LAMP2: variants seen among roughly 807,000 people sequenced by gnomAD.
LAMP2 encodes the protein lysosome-associated membrane glycoprotein 2.
Under a neutral mutation model 25.6 loss-of-function variants are expected in LAMP2, and 4 were observed. The observed-to-expected ratio is 0.16, with a 90% confidence interval of 0.08 to 0.36. The LOEUF is 0.36. Ranked by LOEUF, LAMP2 falls within the 10% of genes least tolerant of loss-of-function variation. The pLI is 1.00. For synonymous variants in LAMP2, 108 were observed against 112.7 expected (o/e 0.96, Z 0.27); for missense variants, 272 against 301.4 (o/e 0.90, Z 0.72).
rs2058516664 is a variant in LAMP2 at position 120,430,082 on chromosome X, C to T, written c.*1241G>A. 1 of 752,187 alleles carries T rather than the reference C, an allele frequency of 1.3e-6. No individual in the cohort carries two copies. The highest frequency in any genetic ancestry group is 1.6e-6 in the Non-Finnish European group (1 of 637,273). 62.0% of individuals were successfully genotyped at this position (752,187 alleles called of 1,213,427 possible). A position where few individuals can be genotyped will look rare whatever the true frequency, so the allele number is the denominator to read the frequency against. On this transcript the variant is annotated 3_prime_UTR_variant, in exon 9 of 9. Transcript: ENST00000200639. ...AGACTGACAGCTGGGTAACAAGATACACTGTATTGTTAATCAGGAAGTTAT... is the reference window on the plus strand; with the variant it reads ...AGACTGACAGCTGGGTAACAAGATATACTGTATTGTTAATCAGGAAGTTAT...
intron 8 of LAMP2, among the ~76,000 whole-genome samples, chrX:120,432,661 C>T (rs1186925053): frequency 2.7e-5 from 3 of 111,591 alleles, no homozygotes. Flanking sequence ...CCACACTTGA[C>T]TGATTATGTA....
intron 3 of LAMP2, among the ~76,000 whole-genome samples, chrX:120,450,120 G>A (rs990123896): frequency 8.9e-6 from 1 of 112,139 alleles, no homozygotes. Context: ...TTATAGAACC[G>A]CTTCCTGGAT....
At chrX:120,457,398 C>T (rs1468439777) in intron 1 of LAMP2, among the ~76,000 whole-genome samples, 1 of 112,057 alleles carries the variant, frequency 8.9e-6, no homozygotes, top group African/African-American at 3.2e-5. Context: ...TATCATGTAA[C>T]CAAGGAAGCA....
intron 8 of LAMP2, chrX:120,439,311 T>G: frequency 8.4e-7 from 1 of 1,187,626 alleles, no homozygotes; most frequent in Non-Finnish European, 1.1e-6. Context: ...TGAGAAAAAG[T>G]GTGTAATAAA....
intron 3 of LAMP2, among the ~76,000 whole-genome samples, chrX:120,449,346 G>A (rs2058611752): frequency 8.9e-6 from 1 of 112,652 alleles, no homozygotes; most frequent in Non-Finnish European, 1.9e-5. Context: ...TGGGCACAGT[G>A]GCCCATGCCT....
At chrX:120,440,279 T>G (rs1295246078) in intron 8 of LAMP2, among the ~76,000 whole-genome samples, 1 of 111,827 alleles carries the variant, frequency 8.9e-6, no homozygotes, top group East Asian at 2.8e-4. Context: ...TTGAGCGTGC[T>G]TACTGCATTT....
rs67522937 is a variant in LAMP2 at position 120,438,692 on chromosome X, TCACACACACACACACA to T, written c.1093+3022_1093+3037del. 7.3e-5 allele frequency: 48 copies of T among 659,347 alleles called. No homozygotes were observed. In the Admixed American group the frequency reaches 1.4e-3, roughly 19 times the overall value. 54.3% of individuals were successfully genotyped at this position (659,347 alleles called of 1,213,427 possible). ...AGCTAAGTTAACCTGCAAACAAAAATCACACACACACACACACACACACACACACACACACACACAA... is the reference window on the plus strand; with the variant it reads ...AGCTAAGTTAACCTGCAAACAAAAATCACACACACACACACACACACACAA... On this transcript the variant is annotated intron_variant, in intron 8 of 8. Transcript: ENST00000200639.
chrX:120,455,623 CA>C, intron 2 of LAMP2, 53 bp from the exon 3 acceptor site: 1 of 969,032 alleles, frequency 1.0e-6, no homozygotes, highest in Non-Finnish European at 1.5e-6. Context: ...CAAGGAACAC[CA>C]AGCATTTATG....
chrX:120,433,130 G>A (rs1033046511), intron 8 of LAMP2, among the ~76,000 whole-genome samples: 6 of 111,030 alleles, frequency 5.4e-5, no homozygotes, highest in Non-Finnish European at 9.4e-5. Context: ...AGAAAATGGC[G>A]CCAGAGAAGC....
In LAMP2 at chrX:120,429,249, C is replaced by T; in HGVS notation, c.*2074G>A. 1 of 748,050 alleles carries T rather than the reference C, an allele frequency of 1.3e-6. No homozygotes were observed. The highest frequency in any genetic ancestry group is 1.6e-6 in the Non-Finnish European group (1 of 638,832). 61.6% of individuals were successfully genotyped at this position (748,050 alleles called of 1,213,427 possible). On this transcript the variant is annotated 3_prime_UTR_variant, in exon 9 of 9. Transcript: ENST00000200639. ...CAGCAGTATCTAATGCGTTGCAGTCCATTCCACCGAACCACCAGGAAAGCA... is the reference window on the plus strand; with the variant it reads ...CAGCAGTATCTAATGCGTTGCAGTCTATTCCACCGAACCACCAGGAAAGCA...
In LAMP2 at chrX:120,444,066, G is replaced by GA. The variant is rs1399751652; in HGVS notation, c.865-1405dup. Among the ~76,000 whole-genome samples the GA allele has an allele frequency of 2.7e-5, 3 of 111,597 alleles. No homozygotes were observed. The Admixed American group carries it at 2.8e-4, about 11-fold the overall frequency. ...GAAAAGAAAAAAGAAAAGAAAGAAA[G>GA]AAAGAAAAGAAAGAGAGAAACACTG... On this transcript the variant is annotated intron_variant, in intron 6 of 8. Coordinates refer to ENST00000200639, the MANE Select transcript of LAMP2 (RefSeq NM_002294.3).
chrX:120,429,138 GTATA>G lies in LAMP2; in HGVS notation c.*2181_*2184del, dbSNP rs1225506311. The G allele has an allele frequency of 1.5e-6, 1 of 656,900 alleles. No individual in the cohort carries two copies. Among genetic ancestry groups the G allele is most frequent in the African/African-American group, 2.7e-5 (1 of 36,964 alleles). 54.1% of individuals were successfully genotyped at this position (656,900 alleles called of 1,213,427 possible). A position where few individuals can be genotyped will look rare whatever the true frequency, so the allele number is the denominator to read the frequency against. On this transcript the variant is annotated 3_prime_UTR_variant, in exon 9 of 9. Coordinates refer to ENST00000200639, the MANE Select transcript of LAMP2 (RefSeq NM_002294.3). ...TATATGTGTATATATATGTGTGTGT[GTATA>G]TATATGTGTGTGTGTGTACATATAT...
chrX:120,457,381 CTCTT>C (rs774741402), intron 1 of LAMP2, among the ~76,000 whole-genome samples: 141 of 112,242 alleles, frequency 1.3e-3, no homozygotes, highest in African/African-American at 4.4e-3. Context: ...TGATCAGATA[CTCTT>C]TCTATCATGT....
intron 8 of LAMP2, among the ~76,000 whole-genome samples, chrX:120,434,929 GA>G (rs751387589): frequency 9.0e-6 from 1 of 111,568 alleles, no homozygotes; most frequent in Non-Finnish European, 1.9e-5. Flanking sequence ...AGGAATTCGA[GA>G]CCAGCCTGGC....
intron 1 of LAMP2, among the ~76,000 whole-genome samples, chrX:120,465,292 T>TA (rs1261938287): frequency 3.8e-4 from 36 of 94,097 alleles, no homozygotes; most frequent in Middle Eastern, 5.4e-3. Flanking sequence ...GCCTCAAACC[T>TA]AAAAAAAAAA....
At chrX:120,443,798 G>A (rs1003510007) in intron 6 of LAMP2, among the ~76,000 whole-genome samples, 16 of 111,223 alleles carry the variant, frequency 1.4e-4, no homozygotes, top group Non-Finnish European at 2.6e-4. Flanking sequence ...TGGCTAACAC[G>A]GTGAAATCCC....
chrX:120,463,081 T>G (rs1921385968), intron 1 of LAMP2, among the ~76,000 whole-genome samples: 1 of 112,174 alleles, frequency 8.9e-6, no homozygotes, highest in African/African-American at 3.2e-5. Context: ...GCAAAAGGTC[T>G]TTTTAAAATA....
At chrX:120,438,884 T>C (rs1004636108) in intron 8 of LAMP2, 2 of 882,823 alleles carry the variant, frequency 2.3e-6, no homozygotes, top group Non-Finnish European at 2.8e-6. Context: ...ACTGAAATAC[T>C]AATTCAAGAC....
intron 1 of LAMP2, among the ~76,000 whole-genome samples, chrX:120,458,376 G>A (rs1454264798): frequency 1.8e-5 from 2 of 111,826 alleles, no homozygotes; most frequent in African/African-American, 3.3e-5. Context: ...TAATAGCATC[G>A]ATAGCTTGCA....
Sources: gnomAD v4.1 joint callset for allele counts (sites outside exome capture counted in the v4.1 genomes callset) on GRCh38, gnomAD v4.1.1 for gene constraint, MANE v1.5 for transcripts, NCBI Gene and HGNC (gene_info 2026-07-23, HGNC 2026-07-21) for gene names.